The following TBC1D14 variants were observed in gnomAD, a reference collection of about 807,000 sequenced individuals.
TBC1D14 encodes the protein TBC1 domain family member 14, also known as TBC1 domain family, member 14.
In TBC1D14, 26 loss-of-function variants were observed where a neutral mutation model predicts 79.0. That is an observed-to-expected ratio of 0.33 (90% CI 0.24 to 0.46). The LOEUF (loss-of-function observed/expected upper bound fraction) is 0.46, where lower values mean the gene tolerates loss of function less well. Among genes scored for constraint, TBC1D14 ranks in the 20% least tolerant of loss-of-function variants. TBC1D14 has a pLI of 1.00. For missense variants in TBC1D14, 769 were observed against 887.6 expected (o/e 0.87, Z 1.70); for synonymous variants, 394 against 349.9 (o/e 1.13, Z -1.40).
In TBC1D14 at chr4:6,978,405, C is replaced by A. The variant is rs566620901; in HGVS notation, c.843+10981C>A. On this transcript the variant is annotated intron_variant, in intron 3 of 13. Coordinates refer to ENST00000409757, the MANE Select transcript of TBC1D14 (RefSeq NM_020773.3). ...ATTTTGTTCTGTACTAAGGAAAATT[C>A]TTCTGCCTTGGGATCCTGTTGATCT... 3.3e-3 allele frequency among the ~76,000 whole-genome samples: 501 copies of A among 150,522 alleles called. 6 individuals carry two copies. The highest frequency in any genetic ancestry group is 0.012 in the African/African-American group (483 of 40,350).
At chr4:6,978,092 C>T (rs1236729728) in intron 3 of TBC1D14, among the ~76,000 whole-genome samples, 1 of 151,214 alleles carries the variant, frequency 6.6e-6, no homozygotes, top group South Asian at 2.1e-4. Context: ...CCCGCCTGGC[C>T]AGCCGCCCCA....
chr4:7,008,681 G>A (rs1720452866), intron 9 of TBC1D14, among the ~76,000 whole-genome samples: 1 of 152,214 alleles, frequency 6.6e-6, no homozygotes, highest in South Asian at 2.1e-4. Context: ...AAAGTGCTGG[G>A]AATACAGGCG....
chr4:7,005,553 G>C (rs938288991), intron 8 of TBC1D14, among the ~76,000 whole-genome samples: 2 of 151,962 alleles, frequency 1.3e-5, no homozygotes, highest in African/African-American at 4.8e-5. Context: ...ACAAAAATTA[G>C]CTAGGCGTGG....
chr4:6,973,492 A>G (rs1716435046), intron 3 of TBC1D14, among the ~76,000 whole-genome samples: 1 of 152,228 alleles, frequency 6.6e-6, no homozygotes, highest in Non-Finnish European at 1.5e-5. Flanking sequence ...AGACGGAATA[A>G]GCACATTCCA....
chr4:7,008,122 A>G (rs1461982347), intron 9 of TBC1D14, among the ~76,000 whole-genome samples: 1 of 152,204 alleles, frequency 6.6e-6, no homozygotes, highest in African/African-American at 2.4e-5. Context: ...GCTTTTTGTT[A>G]TTAAATCTCT....
rs201615419 is a variant in TBC1D14, at chr4:7,025,061, C to T, written c.1815C>T (p.Asp605=). 47 of 1,614,078 alleles carry T rather than the reference C, an allele frequency of 2.9e-5. No individual in the cohort carries two copies. The highest frequency in any genetic ancestry group is 3.5e-5 in the Non-Finnish European group (41 of 1,180,034). Residue 605 remains aspartate, a synonymous_variant, in exon 13 of 14, where the codon GAC becomes GAT. Transcript: ENST00000409757. ...TCGACCTGGCCTGTCGTATCTGGGA[C>T]GTGTTCTGTCGCGATGGGGAAGAGT... is the stretch of plus-strand genomic sequence containing the variant. ...LPLDLACRIW[D]VFCRDGEEFL...
At position 6,961,363 on chromosome 4, in the gene TBC1D14, C is replaced by T. The variant is rs144838247; in HGVS notation, c.723-5941C>T. Among the ~76,000 whole-genome samples, 194 of 152,072 alleles carry T rather than the reference C, an allele frequency of 1.3e-3. 1 individual carries two copies. The highest frequency in any genetic ancestry group is 2.3e-3 in the Non-Finnish European group (156 of 68,006). ...ACCTTTCAGGGCACCCTTTGATGGG[C>T]ACTCCCCATTCTTGTCAACTGTGAC... On this transcript the variant is annotated intron_variant, in intron 2 of 13. Transcript: ENST00000409757.
At chr4:6,953,937 C>T (rs940743560) in intron 2 of TBC1D14, among the ~76,000 whole-genome samples, 3 of 152,174 alleles carry the variant, frequency 2.0e-5, no homozygotes, top group African/African-American at 7.2e-5. Context: ...CCTGGACGTG[C>T]TGTGTGCTTG....
At chr4:6,964,996 A>G (rs1222546313) in intron 2 of TBC1D14, among the ~76,000 whole-genome samples, 2 of 152,192 alleles carry the variant, frequency 1.3e-5, no homozygotes, top group African/African-American at 4.8e-5. Flanking sequence ...AGTTTGAGAT[A>G]CCATGTCTGT....
At chr4:6,957,212 CTGAGTT>C (rs940288977) in intron 2 of TBC1D14, among the ~76,000 whole-genome samples, 1 of 152,226 alleles carries the variant, frequency 6.6e-6, no homozygotes, top group African/African-American at 2.4e-5. Context: ...CTGGAAGGGC[CTGAGTT>C]TGAGTCCCAG....
chr4:6,961,318 CA>C (rs1409025213), intron 2 of TBC1D14, among the ~76,000 whole-genome samples: 1 of 152,140 alleles, frequency 6.6e-6, no homozygotes, highest in Non-Finnish European at 1.5e-5. Context: ...CCTGTGTGGA[CA>C]AATCCTGATG....
intron 3 of TBC1D14, among the ~76,000 whole-genome samples, chr4:6,969,622 GT>G (rs2109056740): frequency 6.6e-6 from 1 of 152,112 alleles, no homozygotes; most frequent in Admixed American, 6.5e-5. Context: ...AGCCAGGATG[GT>G]CTCAATCTCC....
intron 12 of TBC1D14, among the ~76,000 whole-genome samples, chr4:7,023,211 C>T (rs937141122): frequency 2.0e-5 from 3 of 152,152 alleles, no homozygotes; most frequent in East Asian, 3.9e-4. Flanking sequence ...CGAAATCGCA[C>T]CACTACTGCA....
intron 1 of TBC1D14, among the ~76,000 whole-genome samples, chr4:6,921,897 A>G (rs1437196714): frequency 6.6e-6 from 1 of 151,952 alleles, no homozygotes; most frequent in Non-Finnish European, 1.5e-5. Flanking sequence ...GGGTTTCACC[A>G]TGTTGGCCAG....
chr4:6,940,070 C>T (rs575873260), intron 2 of TBC1D14, among the ~76,000 whole-genome samples: 4 of 152,232 alleles, frequency 2.6e-5, no homozygotes, highest in East Asian at 3.9e-4. Context: ...TATATTGGGG[C>T]GCAGCTGGTG....
rs770100466 is a variant in TBC1D14 at position 7,025,200 on chromosome 4, G to A, written c.1954G>A (p.Glu652Lys). Residue 652 changes from glutamate (E) to lysine (K), a missense_variant, in exon 13 of 14, where the codon GAG (glutamate) becomes AAG (lysine). Physicochemically the swap from Glu to Lys is moderately conservative, Grantham distance 56. This residue lies in a region of TBC1D14 where 367 missense variants were observed against 494.4 expected (regional missense o/e 0.74). Transcript: ENST00000409757. The stretch of plus-strand genomic sequence containing the variant: ...CCGGCTGCCCGAGGACCTGCCCGCC[G>A]AGGAGCTGTTTGCCTCCATCGCCAC... ...LTRLPEDLPA[E>K]ELFASIATIQ... The A allele has an allele frequency of 4.3e-6, 7 of 1,614,106 alleles. No individual in the cohort carries two copies. Among genetic ancestry groups the A allele is most frequent in the East Asian group, 4.5e-5 (2 of 44,898 alleles).
chr4:7,005,274 G>A lies in TBC1D14; in HGVS notation c.1351+350G>A, dbSNP rs34349459. Among the ~76,000 whole-genome samples, 529 of 152,212 alleles carry A rather than the reference G, an allele frequency of 3.5e-3. 4 individuals are homozygous for A. Among genetic ancestry groups the A allele is most frequent in the African/African-American group, 0.012 (509 of 41,536 alleles). On this transcript the variant is annotated intron_variant, in intron 8 of 13. Transcript: ENST00000409757. ...AATTAGGCTGGGTGCAGGCGCTCAC[G>A]CCTGTAATCCCAGCACTTTGGGAGG...
chr4:6,928,372 A>G (rs561144931), intron 2 of TBC1D14, among the ~76,000 whole-genome samples: 269 of 152,344 alleles, frequency 1.8e-3, no homozygotes, highest in Non-Finnish European at 3.4e-3. Context: ...AGTGTAATTC[A>G]CAGGCAGAGA....
intron 13 of TBC1D14, 105 bp downstream of exon 13, chr4:7,025,367 T>G: frequency 6.6e-7 from 1 of 1,516,584 alleles, no homozygotes; most frequent in Non-Finnish European, 8.8e-7. Flanking sequence ...GCCCCTTTGA[T>G]GGAGTCCCTG....
Sources: gnomAD v4.1 joint callset for allele counts (sites outside exome capture counted in the v4.1 genomes callset) on GRCh38, gnomAD v4.1.1 for gene constraint, gnomAD v4.1.1 regional missense constraint, MANE v1.5 for transcripts, NCBI Gene and HGNC (gene_info 2026-07-23, HGNC 2026-07-21) for gene names.